Variants in RPAP2 observed in about 807,000 individuals in gnomAD.
The protein encoded by RPAP2 is putative RNA polymerase II subunit B1 CTD phosphatase RPAP2.
A neutral mutation model predicts 73.1 loss-of-function variants in RPAP2; 52 were observed. That is an observed-to-expected ratio of 0.71 (90% CI 0.57 to 0.90). The LOEUF is 0.90. RPAP2 is among the 40% of genes least tolerant of loss of function. The pLI is 0.00. For missense variants in RPAP2, 598 were observed against 701.8 expected (o/e 0.85, Z 1.67); for synonymous variants, 225 against 242.1 (o/e 0.93, Z 0.65).
chr1:92,372,562 G>A (rs1026651957), intron 11 of RPAP2, among the ~76,000 whole-genome samples: 1 of 152,204 alleles, frequency 6.6e-6, no homozygotes, highest in Non-Finnish European at 1.5e-5. Context: ...GGAAGATGCA[G>A]AATGTGTGGC....
intron 11 of RPAP2, among the ~76,000 whole-genome samples, chr1:92,364,837 A>G (rs1024596621): frequency 2.6e-5 from 4 of 152,084 alleles, no homozygotes; most frequent in Non-Finnish European, 5.9e-5. Flanking sequence ...CTCTAGCTTT[A>G]AAAATCATCT....
chr1:92,347,216 A>C (rs563822979), intron 11 of RPAP2, among the ~76,000 whole-genome samples: 1 of 152,224 alleles, frequency 6.6e-6, no homozygotes, highest in African/African-American at 2.4e-5. Context: ...TGTCATTTCT[A>C]CTATTCAGTG....
At chr1:92,342,421 T>G (rs1653648158) in intron 10 of RPAP2, among the ~76,000 whole-genome samples, 1 of 152,010 alleles carries the variant, frequency 6.6e-6, no homozygotes, top group Admixed American at 6.6e-5. Flanking sequence ...AAGTATGGGA[T>G]TGGGGTTGGG....
In RPAP2 at chr1:92,394,880, T is replaced by A. The variant is rs1656146497; in HGVS notation, c.*7869T>A. On this transcript the variant is annotated 3_prime_UTR_variant, in exon 13 of 13. Coordinates refer to ENST00000610020, the MANE Select transcript of RPAP2 (RefSeq NM_024813.3). Reference sequence around the variant, plus strand: ...AAGGATTCAGAATAGCCAAAATAATTCTGAAAATGAAGAAATAATTCTGAT... The same window carrying A: ...AAGGATTCAGAATAGCCAAAATAATACTGAAAATGAAGAAATAATTCTGAT... 3 of 152,046 alleles carry A rather than the reference T, an allele frequency of 2.0e-5. No individual in the cohort carries two copies. Among genetic ancestry groups the A allele is most frequent in the Non-Finnish European group, 4.4e-5 (3 of 68,022 alleles). The allele number at this position is 152,046 out of a possible 1,614,324, so 9.4% of individuals were successfully genotyped here.
At chr1:92,352,004 A>G (rs1654245682) in intron 11 of RPAP2, among the ~76,000 whole-genome samples, 1 of 152,040 alleles carries the variant, frequency 6.6e-6, no homozygotes, top group Non-Finnish European at 1.5e-5. Context: ...GGAGATGAGT[A>G]CTTTGTATTA....
intron 10 of RPAP2, among the ~76,000 whole-genome samples, chr1:92,341,727 C>T (rs1380657015): frequency 1.3e-5 from 2 of 152,220 alleles, no homozygotes; most frequent in Non-Finnish European, 2.9e-5. Flanking sequence ...TCACTGCAAC[C>T]TCCACCTCCT....
chr1:92,299,300 A>T (rs1650599965), intron 1 of RPAP2, among the ~76,000 whole-genome samples, 154 bp downstream of exon 1: 1 of 152,070 alleles, frequency 6.6e-6, no homozygotes, highest in Non-Finnish European at 1.5e-5. Context: ...CGCCGTCCGC[A>T]CCTCCTGGGA....
intron 2 of RPAP2, 113 bp from the exon 3 acceptor site, chr1:92,301,363 A>G: frequency 2.5e-6 from 1 of 407,608 alleles, no homozygotes. Context: ...AATTTTTTAA[A>G]TATATTTAAA....
intron 11 of RPAP2, among the ~76,000 whole-genome samples, chr1:92,351,305 C>CAAAAAAAA (rs60111119): frequency 2.1e-4 from 18 of 86,836 alleles, no homozygotes; most frequent in African/African-American, 6.7e-4. Context: ...GACTCTGTCT[C>CAAAAAAAA]AAAAAAAAAA....
In RPAP2 at chr1:92,381,468, G is replaced by C. The variant is rs141203989; in HGVS notation, c.1838+595G>C. 2.5e-3 allele frequency among the ~76,000 whole-genome samples: 384 copies of C among 151,928 alleles called. 3 individuals are homozygous for C. The highest frequency in any genetic ancestry group is 9.1e-3 in the South Asian group (44 of 4,818). On this transcript the variant is annotated intron_variant, in intron 12 of 12. Transcript: ENST00000610020. ...TCCTGCCTTAATTATAACTTTCCAT[G>C]TATTCCTTCCTTCTCATTTCACACA... is the stretch of plus-strand genomic sequence containing the variant.
At chr1:92,301,398 G>A (rs1650847366) in intron 2 of RPAP2, 78 bp from the exon 3 acceptor site, 3 of 667,826 alleles carry the variant, frequency 4.5e-6, no homozygotes, top group Non-Finnish European at 7.6e-6. Flanking sequence ...TAGTGAGTTA[G>A]GTTAGTATTG....
Position 92,380,810 on chromosome 1 carries a change from A to T in RPAP2, c.1775A>T (p.His592Leu), listed in dbSNP as rs1383654910. The T allele has an allele frequency of 1.9e-6, 3 of 1,607,694 alleles. No homozygotes were observed. Among genetic ancestry groups the T allele is most frequent in the Non-Finnish European group, 2.5e-6 (3 of 1,177,614 alleles). ...RFLDTLLEELHLKNEDLESLT... is the reference protein window; with the variant it reads ...RFLDTLLEELLLKNEDLESLT... Reference sequence around the variant, plus strand: ...CTAGACACCCTCCTTGAAGAATTACATCTAAAAAATGAAGACCTTGAAAGT... The same window carrying T: ...CTAGACACCCTCCTTGAAGAATTACTTCTAAAAAATGAAGACCTTGAAAGT... Residue 592 changes from histidine (H) to leucine (L), a missense_variant, in exon 12 of 13, where the codon CAT becomes CTT. Coordinates refer to ENST00000610020, the MANE Select transcript of RPAP2 (RefSeq NM_024813.3).
At chr1:92,305,694 C>T (rs916578014) in intron 5 of RPAP2, among the ~76,000 whole-genome samples, 1 of 151,848 alleles carries the variant, frequency 6.6e-6, no homozygotes, top group African/African-American at 2.4e-5. Flanking sequence ...GAAAAATTTA[C>T]ACAAGGAACT....
intron 11 of RPAP2, among the ~76,000 whole-genome samples, chr1:92,357,684 A>G (rs1024441997): frequency 6.6e-5 from 10 of 152,202 alleles, no homozygotes; most frequent in Non-Finnish European, 1.5e-4. Context: ...GGCATGCGCC[A>G]CCACACCCAG....
At chr1:92,307,710 A>G (rs1458995470) in intron 6 of RPAP2, among the ~76,000 whole-genome samples, 1 of 135,568 alleles carries the variant, frequency 7.4e-6, no homozygotes, top group East Asian at 2.3e-4. Context: ...CAATTTAAAG[A>G]CACAATTAAA....
Position 92,324,114 on chromosome 1 carries a change from C to T in RPAP2, c.1194C>T (p.Pro398=), listed in dbSNP as rs758998772. 2.0e-5 allele frequency: 32 copies of T among 1,613,902 alleles called. No individual in the cohort carries two copies. The highest frequency in any genetic ancestry group is 1.6e-4 in the Middle Eastern group (1 of 6,082). Residue 398 remains proline (P), a synonymous_variant, in exon 8 of 13, where the codon CCC becomes CCT. Coordinates refer to ENST00000610020, the MANE Select transcript of RPAP2 (RefSeq NM_024813.3). The part of the protein sequence containing the change: ...GQNYASVCLK[P]EASLVKEELD... ...ATTATGCTTCTGTGTGTCTGAAACC[C>T]GAAGCCTCTCTGGTTAAAGAAGAAC...
intron 8 of RPAP2, among the ~76,000 whole-genome samples, chr1:92,325,044 A>G (rs1258040380): frequency 1.3e-5 from 2 of 152,222 alleles, no homozygotes; most frequent in Admixed American, 1.3e-4. Context: ...TAAAGCATTT[A>G]TCACAGTACA....
chr1:92,312,176 C>G (rs1164180174), intron 6 of RPAP2, among the ~76,000 whole-genome samples: 1 of 152,144 alleles, frequency 6.6e-6, no homozygotes, highest in Non-Finnish European at 1.5e-5. Context: ...TGTTGCGGGG[C>G]AAGGCAGGAG....
At chr1:92,360,499 G>T (rs900227106) in intron 11 of RPAP2, among the ~76,000 whole-genome samples, 4 of 152,172 alleles carry the variant, frequency 2.6e-5, no homozygotes, top group Admixed American at 6.5e-5. Flanking sequence ...AGATTCTCAG[G>T]ATAGTGGAAG....
Sources: gnomAD v4.1 joint callset for allele counts (sites outside exome capture counted in the v4.1 genomes callset) on GRCh38, gnomAD v4.1.1 for gene constraint, MANE v1.5 for transcripts, NCBI Gene and HGNC (gene_info 2026-07-23, HGNC 2026-07-21) for gene names.